The following DTHD1 variants were observed in gnomAD, a reference collection of about 807,000 sequenced individuals.
DTHD1 encodes death domain-containing protein 1.
DTHD1 carries 59 observed loss-of-function variants against 74.8 expected under a neutral mutation model. That is an observed-to-expected ratio of 0.79 (90% CI 0.64 to 0.98). DTHD1 has a LOEUF of 0.98. DTHD1 is among the 50% of genes least tolerant of loss of function. DTHD1 has a pLI of 0.00. For missense variants in DTHD1, 1,051 were observed against 1,065.4 expected (o/e 0.99, Z 0.19); for synonymous variants, 365 against 371.1 (o/e 0.98, Z 0.19).
chr4:36,290,547 G>C lies in DTHD1; in HGVS notation c.1062G>C (p.Lys354Asn), dbSNP rs761582083. Reference sequence around the variant, plus strand: ...TCATAACTATTGAATGCTCAGATAAGGAAAAGAGAGTTCCATTTCCAATAG... The same window carrying C: ...TCATAACTATTGAATGCTCAGATAACGAAAAGAGAGTTCCATTTCCAATAG... ...SNVITIECSDKEKRVPFPIGI... is the reference protein window; with the variant it reads ...SNVITIECSDNEKRVPFPIGI... Residue 354 changes from lysine (K) to asparagine (N), a missense_variant, in exon 3 of 10, where the codon AAG becomes AAC. Transcript: ENST00000639862. 12 of 1,551,434 alleles carry C rather than the reference G, an allele frequency of 7.7e-6. No individual in the cohort carries two copies. In the South Asian group the frequency reaches 1.3e-4, roughly 17 times the overall value.
At chr4:36,301,596 A>G (rs1281657108) in intron 5 of DTHD1, among the ~76,000 whole-genome samples, 2 of 152,208 alleles carry the variant, frequency 1.3e-5, no homozygotes, top group African/African-American at 4.8e-5. Flanking sequence ...TTAACAATCA[A>G]GGATTACTAT....
At chr4:36,289,844 T>C (rs558734760) in intron 2 of DTHD1, among the ~76,000 whole-genome samples, 3 of 152,126 alleles carry the variant, frequency 2.0e-5, no homozygotes, top group Non-Finnish European at 2.9e-5. Context: ...TAATGATAAA[T>C]TTACAGTTCT....
intron 8 of DTHD1, among the ~76,000 whole-genome samples, chr4:36,324,611 C>G (rs1402263955): frequency 2.0e-5 from 3 of 152,024 alleles, no homozygotes; most frequent in Non-Finnish European, 4.4e-5. Flanking sequence ...GTTAATTTAG[C>G]AACCACAAAA....
rs868641702 is a variant in DTHD1 at position 36,284,528 on chromosome 4, T to C, written c.824T>C (p.Ile275Thr). 16 of 1,534,316 alleles carry C rather than the reference T, an allele frequency of 1.0e-5. No homozygotes were observed. The Middle Eastern group carries it at 2.2e-3, about 209-fold the overall frequency. ...SIICDISKKY[I>T]NSTLPNDSEN... ...ATATGTGATATCTCCAAGAAATATA[T>C]AAATAGTACTCTTCCCAATGATTCA... Residue 275 changes from isoleucine to threonine, a missense_variant, in exon 2 of 10, where the codon ATA becomes ACA. Transcript: ENST00000639862.
chr4:36,284,615 T>G, intron 2 of DTHD1, 24 bp downstream of exon 2: 1 of 1,441,344 alleles, frequency 6.9e-7, no homozygotes, highest in South Asian at 1.4e-5. Flanking sequence ...ATGTGGGAAG[T>G]GCTTAAGTAT....
intron 8 of DTHD1, among the ~76,000 whole-genome samples, chr4:36,338,636 T>C (rs757259067): frequency 6.6e-6 from 1 of 151,838 alleles, no homozygotes; most frequent in Non-Finnish European, 1.5e-5. Flanking sequence ...GAAATAAATA[T>C]ATTTACTTCT....
At chr4:36,298,259 A>T (rs1756562854) in intron 5 of DTHD1, among the ~76,000 whole-genome samples, 1 of 152,096 alleles carries the variant, frequency 6.6e-6, no homozygotes, top group Non-Finnish European at 1.5e-5. Flanking sequence ...TACTGTAGCA[A>T]TAATATATAT....
At chr4:36,304,906 A>G (rs1756957547) in intron 5 of DTHD1, among the ~76,000 whole-genome samples, 1 of 152,212 alleles carries the variant, frequency 6.6e-6, no homozygotes, top group African/African-American at 2.4e-5. Flanking sequence ...GGTACCACAG[A>G]AACAGGACTG....
chr4:36,307,272 C>T (rs1039510997), intron 6 of DTHD1, among the ~76,000 whole-genome samples: 2 of 152,152 alleles, frequency 1.3e-5, no homozygotes, highest in Admixed American at 1.3e-4. Flanking sequence ...GTTCTGGAGG[C>T]CAGAAGTACA....
chr4:36,306,982 C>T (rs188389005), intron 6 of DTHD1, among the ~76,000 whole-genome samples: 7 of 152,194 alleles, frequency 4.6e-5, no homozygotes. Flanking sequence ...ATGGAAAAAA[C>T]CATGGTTTCA....
intron 5 of DTHD1, among the ~76,000 whole-genome samples, chr4:36,304,143 C>T (rs1277328787): frequency 6.6e-6 from 1 of 152,188 alleles, no homozygotes; most frequent in Non-Finnish European, 1.5e-5. Flanking sequence ...CCCCACTACC[C>T]TTGGGAGCCT....
chr4:36,334,793 T>G (rs982840081), intron 8 of DTHD1, among the ~76,000 whole-genome samples: 7 of 152,242 alleles, frequency 4.6e-5, no homozygotes, highest in East Asian at 1.9e-4. Flanking sequence ...GGAAGTAATC[T>G]TCATGGATAC....
chr4:36,290,356 T>A lies in DTHD1; in HGVS notation c.888-17T>A, dbSNP rs1293006591. ...AATCAAATAATTGGAAAAATGACAT[T>A]CTTTTTCCCCCTCCAGGTATCTTGA... On this transcript the variant is annotated splice_polypyrimidine_tract_variant and intron_variant, in intron 2 of 9. Transcript: ENST00000639862. 3 of 1,528,168 alleles carry A rather than the reference T, an allele frequency of 2.0e-6. No individual in the cohort carries two copies. The highest frequency in any genetic ancestry group is 2.5e-5 in the East Asian group (1 of 40,618). The allele number at this position is 1,528,168 out of a possible 1,614,324, so 94.7% of individuals were successfully genotyped here.
intron 8 of DTHD1, among the ~76,000 whole-genome samples, chr4:36,324,397 A>G (rs1287653876): frequency 6.6e-6 from 1 of 152,224 alleles, no homozygotes; most frequent in Non-Finnish European, 1.5e-5. Flanking sequence ...TTTTTCTTTT[A>G]CAAAGGAAGC....
intron 3 of DTHD1, among the ~76,000 whole-genome samples, chr4:36,291,032 G>T (rs1756045562): frequency 6.6e-6 from 1 of 152,116 alleles, no homozygotes; most frequent in Admixed American, 6.6e-5. Flanking sequence ...ATGGACCCTT[G>T]TCTAAATTTA....
chr4:36,317,636 T>A (rs1190615715), intron 8 of DTHD1, among the ~76,000 whole-genome samples: 1 of 152,224 alleles, frequency 6.6e-6, no homozygotes, highest in Non-Finnish European at 1.5e-5. Context: ...GTATCTCAAA[T>A]TATATGTCTA....
intron 8 of DTHD1, among the ~76,000 whole-genome samples, chr4:36,319,470 C>A (rs986435389): frequency 6.6e-6 from 1 of 152,176 alleles, no homozygotes; most frequent in African/African-American, 2.4e-5. Flanking sequence ...GAGAGGGGTA[C>A]CTAAGGGCTG....
At chr4:36,306,901 G>A (rs1757088151) in intron 6 of DTHD1, among the ~76,000 whole-genome samples, 1 of 152,224 alleles carries the variant, frequency 6.6e-6, no homozygotes, top group South Asian at 2.1e-4. Flanking sequence ...TAGGAATAGA[G>A]TCTGAGATGA....
intron 8 of DTHD1, among the ~76,000 whole-genome samples, chr4:36,336,416 T>C (rs1004638699): frequency 6.6e-6 from 1 of 152,170 alleles, no homozygotes; most frequent in Non-Finnish European, 1.5e-5. Flanking sequence ...CTTGGGGGAA[T>C]GGCCAAGCTA....
Sources: gnomAD v4.1 joint callset for allele counts (sites outside exome capture counted in the v4.1 genomes callset) on GRCh38, gnomAD v4.1.1 for gene constraint, MANE v1.5 for transcripts, NCBI Gene and HGNC (gene_info 2026-07-23, HGNC 2026-07-21) for gene names.